CSTF1: variants seen among roughly 807,000 people sequenced by gnomAD.
CSTF1 encodes cleavage stimulation factor subunit 1.
Under a neutral mutation model 40.9 loss-of-function variants are expected in CSTF1, and 2 were observed. The ratio of observed to expected loss-of-function variants is 0.05; its 90% CI spans 0.02 to 0.15. CSTF1 has a LOEUF of 0.15. Among genes scored for constraint, CSTF1 ranks in the 10% least tolerant of loss-of-function variants. The probability of loss-of-function intolerance (pLI) is 1.00; values close to 1 mark genes in which losing one functional copy is unlikely to be tolerated. For missense variants in CSTF1, 279 were observed against 558.9 expected (o/e 0.50, Z 5.05); for synonymous variants, 218 against 207.2 (o/e 1.05, Z -0.45).
intron 5 of CSTF1, among the ~76,000 whole-genome samples, chr20:56,402,255 C>T (rs1978486924): frequency 1.3e-5 from 2 of 149,582 alleles, no homozygotes; most frequent in Admixed American, 6.7e-5. Context: ...TGCAGTGAGC[C>T]GAGATCACAC....
chr20:56,400,776 C>T (rs1233538712), intron 5 of CSTF1, among the ~76,000 whole-genome samples: 1 of 152,192 alleles, frequency 6.6e-6, no homozygotes, highest in African/African-American at 2.4e-5. Context: ...CGCGGTGGCT[C>T]ACACCTGTAA....
rs746714304 is a variant in CSTF1, at chr20:56,397,182, C to T, written c.170-25C>T. ...TTAAGAAAAAACACTTGTTTTGTTA[C>T]GCCCTTAATTTTGATTTCTTTCAGG... is the stretch of plus-strand genomic sequence containing the variant. On this transcript the variant is annotated intron_variant, in intron 2 of 5. Transcript: ENST00000217109. The surrounding 1 kb of genome is among the most constrained non-coding windows in gnomAD (Gnocchi z 4.4). 16 of 1,595,012 alleles carry T rather than the reference C, an allele frequency of 1.0e-5. No individual in the cohort carries two copies. Among genetic ancestry groups the T allele is most frequent in the Non-Finnish European group, 1.3e-5 (15 of 1,169,488 alleles).
Position 56,397,520 on chromosome 20 carries a change from C to T in CSTF1, c.447+36C>T. The T allele has an allele frequency of 3.1e-6, 5 of 1,604,884 alleles. No homozygotes were observed. Among genetic ancestry groups the T allele is most frequent in the Non-Finnish European group, 4.3e-6 (5 of 1,174,604 alleles). On this transcript the variant is annotated intron_variant, in intron 3 of 5. Transcript: ENST00000217109. This position sits in a 1 kb window ranked among gnomAD's most constrained non-coding sequence, Gnocchi z 4.4. ...CAGTCACATACTTATTGATTGCCTT[C>T]TGTTTTTCATTTTTGGAAAAATGAG...
chr20:56,395,897 C>A, intron 2 of CSTF1, 176 bp downstream of exon 2: 1 of 629,704 alleles, frequency 1.6e-6, no homozygotes, highest in Non-Finnish European at 2.7e-6. Context: ...AGGGGTAAAG[C>A]AAAGTTCAGA....
intron 5 of CSTF1, among the ~76,000 whole-genome samples, chr20:56,401,308 A>C (rs1397040842): frequency 6.6e-6 from 1 of 152,220 alleles, no homozygotes; most frequent in Non-Finnish European, 1.5e-5. Context: ...GCAGAAGAGA[A>C]AAATGGTCAG....
At chr20:56,394,542 G>A (rs529163476) in intron 1 of CSTF1, among the ~76,000 whole-genome samples, 48 of 152,350 alleles carry the variant, frequency 3.2e-4, no homozygotes, top group African/African-American at 1.1e-3. Flanking sequence ...AGCCGAGATC[G>A]CGCCACTGCC....
Position 56,395,637 on chromosome 20 carries a change from A to C in CSTF1, c.85A>C (p.Ser29Arg), listed in dbSNP as rs1987496467. 1 of 1,614,206 alleles carries C rather than the reference A, an allele frequency of 6.2e-7. No homozygotes were observed. Among genetic ancestry groups the C allele is most frequent in the African/African-American group, 1.3e-5 (1 of 75,068 alleles). ...ISQLLYDGYI[S>R]IANGLINEIK... ...CCAGCTGCTATATGACGGCTACATC[A>C]GCATCGCCAATGGCCTCATCAATGA... Residue 29 changes from serine (S) to arginine (R), a missense_variant, in exon 2 of 6, where the codon AGC becomes CGC. Physicochemically the swap from Ser to Arg is moderately radical, Grantham distance 110. This residue lies in a region of CSTF1 where 51 missense variants were observed against 55.0 expected (regional missense o/e 0.93). Coordinates refer to ENST00000217109, the MANE Select transcript of CSTF1 (RefSeq NM_001324.3).
intron 4 of CSTF1, among the ~76,000 whole-genome samples, chr20:56,398,314 A>G (rs1369255674): frequency 6.6e-6 from 1 of 152,128 alleles, no homozygotes; most frequent in Non-Finnish European, 1.5e-5. Context: ...CATGTCTGTA[A>G]TCCCAGCACT....
chr20:56,393,497 T>C (rs1315853864), intron 1 of CSTF1, among the ~76,000 whole-genome samples: 1 of 151,996 alleles, frequency 6.6e-6, no homozygotes, highest in Non-Finnish European at 1.5e-5. Context: ...AATCTCCCAT[T>C]TTTTTCGGGT....
Position 56,399,292 on chromosome 20 carries a change from G to A in CSTF1, c.971G>A (p.Ser324Asn), listed in dbSNP as rs768527700. 2.5e-6 allele frequency: 4 copies of A among 1,614,102 alleles called. No individual in the cohort carries two copies. The highest frequency in any genetic ancestry group is 1.7e-6 in the Non-Finnish European group (2 of 1,179,988). ...FSKNSKYILSSGKDSVAKLWE... is the reference protein window; with the variant it reads ...FSKNSKYILSNGKDSVAKLWE... Reference sequence around the variant, plus strand: ...AAAAATTCTAAATACATTCTCTCAAGTGGAAAAGACTCTGTAGCTAAACTT... The same window carrying A: ...AAAAATTCTAAATACATTCTCTCAAATGGAAAAGACTCTGTAGCTAAACTT... Residue 324 changes from serine (S) to asparagine (N), a missense_variant, in exon 5 of 6, where the codon AGT becomes AAT. Coordinates refer to ENST00000217109, the MANE Select transcript of CSTF1 (RefSeq NM_001324.3). The surrounding 1 kb of genome is among the most constrained non-coding windows in gnomAD (Gnocchi z 4.6).
intron 4 of CSTF1, among the ~76,000 whole-genome samples, chr20:56,398,052 A>T (rs1479455352): frequency 6.6e-6 from 1 of 152,154 alleles, no homozygotes; most frequent in Non-Finnish European, 1.5e-5. Flanking sequence ...AGAGTTTATA[A>T]TCTGACCCTT....
At chr20:56,403,340 A>G (rs920527480) in intron 5 of CSTF1, 128 bp from the exon 6 acceptor site, 5 of 1,113,932 alleles carry the variant, frequency 4.5e-6, no homozygotes, top group Admixed American at 2.2e-5. Flanking sequence ...GTACTTTTTT[A>G]GAGTTTCTGA....
At chr20:56,392,993 A>T (rs192889094) in intron 1 of CSTF1, among the ~76,000 whole-genome samples, 82 of 152,202 alleles carry the variant, frequency 5.4e-4, no homozygotes, top group African/African-American at 1.9e-3. Context: ...ACTGCGATGT[A>T]TCCGGTCCTG....
intron 1 of CSTF1, among the ~76,000 whole-genome samples, chr20:56,394,053 G>A (rs1987432397): frequency 6.6e-6 from 1 of 152,186 alleles, no homozygotes; most frequent in African/African-American, 2.4e-5. Context: ...TTTTTACGTT[G>A]AGTAGGTGTC....
At chr20:56,401,108 T>C (rs1442014911) in intron 5 of CSTF1, among the ~76,000 whole-genome samples, 1 of 151,962 alleles carries the variant, frequency 6.6e-6, no homozygotes, top group Non-Finnish European at 1.5e-5. Flanking sequence ...GGAAAAACTA[T>C]CAAAACTTTA....
rs754156238 is a variant in CSTF1, at chr20:56,397,567, A to G, written c.448-77A>G. 161 of 1,595,492 alleles carry G rather than the reference A, an allele frequency of 1.0e-4. No homozygotes were observed. The highest frequency in any genetic ancestry group is 1.7e-4 in the Middle Eastern group (1 of 6,022). Reference sequence around the variant, plus strand: ...TGAGAGTATGGTTGAAACCAGCTTTAGTTTGCTACAGTTGTGGATTGTGCA... The same window carrying G: ...TGAGAGTATGGTTGAAACCAGCTTTGGTTTGCTACAGTTGTGGATTGTGCA... On this transcript the variant is annotated intron_variant, in intron 3 of 5. Coordinates refer to ENST00000217109, the MANE Select transcript of CSTF1 (RefSeq NM_001324.3). The surrounding 1 kb of genome is among the most constrained non-coding windows in gnomAD (Gnocchi z 4.4).
chr20:56,394,226 G>A (rs1600727592), intron 1 of CSTF1, among the ~76,000 whole-genome samples: 2 of 152,206 alleles, frequency 1.3e-5, no homozygotes, highest in East Asian at 1.9e-4. Flanking sequence ...ACGGTATCTG[G>A]CATGCAGGAA....
At chr20:56,403,155 C>T (rs1220749332) in intron 5 of CSTF1, among the ~76,000 whole-genome samples, 2 of 151,788 alleles carry the variant, frequency 1.3e-5, no homozygotes, top group Non-Finnish European at 2.9e-5. Context: ...AGTATTGCTT[C>T]AGGTGATCTG....
At chr20:56,396,300 C>T (rs911687513) in intron 2 of CSTF1, among the ~76,000 whole-genome samples, 1 of 152,156 alleles carries the variant, frequency 6.6e-6, no homozygotes, top group African/African-American at 2.4e-5. Flanking sequence ...TATTGAATTA[C>T]CAAACATGTT....
Sources: allele counts gnomAD v4.1 joint callset (sites outside exome capture counted in the v4.1 genomes callset), GRCh38; gene constraint gnomAD v4.1.1; regional missense constraint gnomAD v4.1.1; non-coding constraint Gnocchi (gnomAD v3.1); transcripts MANE v1.5; gene names NCBI Gene and HGNC (gene_info 2026-07-23, HGNC 2026-07-21).